The following KANK1 variants were observed in gnomAD, a reference collection of about 807,000 sequenced individuals.
KANK1 encodes the protein KN motif and ankyrin repeat domains 1.
In KANK1, 109 loss-of-function variants were observed where a neutral mutation model predicts 106.2. The observed-to-expected ratio is 1.03, with a 90% CI of 0.88 to 1.20. KANK1 has a LOEUF of 1.20. KANK1 is among the 50% of genes most tolerant of loss of function. KANK1 has a pLI of 0.00. For missense variants in KANK1, 2,399 were observed against 1,710.7 expected, an observed-to-expected ratio of 1.40 and a Z score of -7.10; for synonymous variants, 873 against 652.2, an observed-to-expected ratio of 1.34 and a Z score of -5.16.
At chr9:494,531 T>A (rs1372312398) in intron 3 of KANK1, among the ~76,000 whole-genome samples, 3 of 152,184 alleles carry the variant, frequency 2.0e-5, no homozygotes, top group African/African-American at 7.2e-5. Context: ...CTTCTGAGAT[T>A]AGATTATAAA....
At chr9:511,540 A>G (rs754875676) in intron 1 of KANK1, among the ~76,000 whole-genome samples, 8 of 150,536 alleles carry the variant, frequency 5.3e-5, no homozygotes, top group South Asian at 2.1e-4. Flanking sequence ...GTGAGGATTG[A>G]ATGAGTTAAA....
In KANK1 at chr9:676,899, C is replaced by T. The variant is rs1174734615; in HGVS notation, c.-74C>T. ...CTCTTTATTGTTTCAGGTTGAATGCCTTTGAGAACTTGATGCATAAAATTT... is the reference window on the plus strand; with the variant it reads ...CTCTTTATTGTTTCAGGTTGAATGCTTTTGAGAACTTGATGCATAAAATTT... On this transcript the variant is annotated 5_prime_UTR_variant, in exon 2 of 12. Transcript: ENST00000382297. 1 of 1,230,478 alleles carries T rather than the reference C, an allele frequency of 8.1e-7. No homozygotes were observed. Among genetic ancestry groups the T allele is most frequent in the African/African-American group, 1.5e-5 (1 of 65,892 alleles). 76.2% of individuals were successfully genotyped at this position (1,230,478 alleles called of 1,614,324 possible).
At chr9:663,176 C>T (rs1393264273) in intron 1 of KANK1, among the ~76,000 whole-genome samples, 1 of 151,750 alleles carries the variant, frequency 6.6e-6, no homozygotes, top group Non-Finnish European at 1.5e-5. Context: ...TAAATGAGAA[C>T]TGTACATTTA....
At chr9:551,512 A>G (rs1228523751) in intron 1 of KANK1, among the ~76,000 whole-genome samples, 3 of 152,290 alleles carry the variant, frequency 2.0e-5, no homozygotes, top group East Asian at 1.9e-4. Context: ...TGTGAACCCA[A>G]CTGATCTGAA....
intron 3 of KANK1, among the ~76,000 whole-genome samples, chr9:724,322 C>G (rs1161224510): frequency 6.6e-6 from 1 of 152,068 alleles, no homozygotes; most frequent in Non-Finnish European, 1.5e-5. Flanking sequence ...TCAGGGAAAC[C>G]AGATGTTTTC....
chr9:555,165 G>T (rs2061505118), intron 1 of KANK1, among the ~76,000 whole-genome samples: 1 of 150,110 alleles, frequency 6.7e-6, no homozygotes, highest in African/African-American at 2.5e-5. Context: ...CTCGTGAAAT[G>T]AGCTGGCCAG....
intron 2 of KANK1, chr9:687,035 CTT>C: frequency 3.2e-6 from 2 of 627,958 alleles, no homozygotes; most frequent in South Asian, 7.1e-5. Context: ...CTTTTCTTTT[CTT>C]TTTTTTTAAT....
At chr9:558,625 C>G (rs1008605500) in intron 1 of KANK1, among the ~76,000 whole-genome samples, 1 of 151,164 alleles carries the variant, frequency 6.6e-6, no homozygotes. Context: ...GAACATTAGA[C>G]GACACTAAGG....
At chr9:493,698 C>G (rs2058414222) in intron 3 of KANK1, among the ~76,000 whole-genome samples, 3 of 151,350 alleles carry the variant, frequency 2.0e-5, no homozygotes, top group Admixed American at 2.0e-4. Flanking sequence ...CAGCTACACA[C>G]CACCACGCCT....
intron 1 of KANK1, among the ~76,000 whole-genome samples, chr9:646,768 C>A (rs368177104): frequency 8.7e-5 from 13 of 150,084 alleles, no homozygotes; most frequent in African/African-American, 3.0e-4. Flanking sequence ...CAGCTCACTG[C>A]AATCTCCGCC....
At chr9:709,638 G>A (rs376870841) in intron 2 of KANK1, among the ~76,000 whole-genome samples, 9 of 147,698 alleles carry the variant, frequency 6.1e-5, no homozygotes, top group African/African-American at 1.3e-4. Context: ...TAATTGAGAC[G>A]GAGTTTTTGC....
intron 1 of KANK1, among the ~76,000 whole-genome samples, chr9:570,913 TTG>T (rs1260088324): frequency 1.3e-5 from 2 of 152,232 alleles, no homozygotes; most frequent in Non-Finnish European, 2.9e-5. Flanking sequence ...GTGAATATAT[TTG>T]TGCTGAAATC....
chr9:612,512 T>G (rs1030723938), intron 1 of KANK1, among the ~76,000 whole-genome samples: 8 of 152,178 alleles, frequency 5.3e-5, no homozygotes, highest in African/African-American at 1.9e-4. Flanking sequence ...CTTTATGCCT[T>G]TTGCTAAAAC....
chr9:728,851 A>G (rs756269396), intron 3 of KANK1, among the ~76,000 whole-genome samples: 1 of 152,206 alleles, frequency 6.6e-6, no homozygotes, highest in Non-Finnish European at 1.5e-5. Flanking sequence ...CTTTGAATCT[A>G]CCGAAGACCT....
chr9:736,284 C>G (rs542048984), intron 7 of KANK1, among the ~76,000 whole-genome samples: 32 of 152,184 alleles, frequency 2.1e-4, no homozygotes, highest in African/African-American at 7.5e-4. Flanking sequence ...AATGTAAATG[C>G]TATATAAATA....
intron 1 of KANK1, among the ~76,000 whole-genome samples, chr9:669,870 C>G (rs1304347967): frequency 1.3e-5 from 2 of 151,970 alleles, no homozygotes; most frequent in Non-Finnish European, 2.9e-5. Context: ...TAGATTTGGT[C>G]TTTTAAGGTA....
chr9:568,017 T>C (rs1341544851), intron 1 of KANK1, among the ~76,000 whole-genome samples: 1 of 152,032 alleles, frequency 6.6e-6, no homozygotes, highest in Non-Finnish European at 1.5e-5. Context: ...TTTGTGCCCA[T>C]ATCAGGTAGC....
intron 1 of KANK1, among the ~76,000 whole-genome samples, chr9:578,066 T>A (rs1169201898): frequency 1.3e-5 from 2 of 152,010 alleles, no homozygotes; most frequent in East Asian, 3.9e-4. Flanking sequence ...CCACAAGAAC[T>A]GAGAGAGAAG....
At chr9:514,409 T>C (rs1416406539) in intron 1 of KANK1, among the ~76,000 whole-genome samples, 2 of 150,158 alleles carry the variant, frequency 1.3e-5, no homozygotes, top group African/African-American at 5.0e-5. Flanking sequence ...TACTCCCTCA[T>C]CTCCTTTACC....
Sources: allele counts gnomAD v4.1 joint callset (sites outside exome capture counted in the v4.1 genomes callset), GRCh38; gene constraint gnomAD v4.1.1; transcripts MANE v1.5; gene names NCBI Gene and HGNC (gene_info 2026-07-23, HGNC 2026-07-21).